Variants in SPMAP2L observed in about 807,000 individuals in gnomAD.
SPMAP2L encodes the protein sperm microtubule associated protein 2 like.
chr4:56,567,582 C>G, the SPMAP2L span, among the ~76,000 whole-genome samples: 54 of 151,624 alleles, frequency 3.6e-4, no homozygotes, highest in Non-Finnish European at 7.4e-4. Context: ...AGCCACCATG[C>G]CCAGCTTATA....
the SPMAP2L span, among the ~76,000 whole-genome samples, chr4:56,622,905 G>A: frequency 7.4e-4 from 112 of 152,256 alleles, no homozygotes; most frequent in East Asian, 0.019. Flanking sequence ...AAACAGTCTC[G>A]CACCTTTCTG....
At chr4:56,594,962 C>A in the SPMAP2L span, 4 of 1,609,544 alleles carry the variant, frequency 2.5e-6, no homozygotes, top group South Asian at 3.3e-5. Context: ...TGGCATGGGG[C>A]CCATTGGCGT....
the SPMAP2L span, among the ~76,000 whole-genome samples, chr4:56,607,555 G>A: frequency 1.3e-5 from 2 of 152,318 alleles, no homozygotes; most frequent in South Asian, 4.1e-4. Context: ...CAGTTCAGAG[G>A]AGCAGGCTAG....
chr4:56,537,860 T>A, the SPMAP2L span, among the ~76,000 whole-genome samples: 1 of 151,880 alleles, frequency 6.6e-6, no homozygotes, highest in Non-Finnish European at 1.5e-5. Flanking sequence ...GCCCGGCTAA[T>A]TTTTTTGTAT....
chr4:56,575,125 TG>T, the SPMAP2L span, among the ~76,000 whole-genome samples: 2 of 151,968 alleles, frequency 1.3e-5, no homozygotes, highest in Non-Finnish European at 2.9e-5. Context: ...GGTGGGCACC[TG>T]TAGTACCAGC....
chr4:56,532,233 C>G, the SPMAP2L span, among the ~76,000 whole-genome samples: 1 of 151,960 alleles, frequency 6.6e-6, no homozygotes, highest in Non-Finnish European at 1.5e-5. Flanking sequence ...CAGCTGAAGA[C>G]TTTGCCCCAT....
the SPMAP2L span, among the ~76,000 whole-genome samples, chr4:56,597,668 G>T: frequency 1.3e-5 from 2 of 152,130 alleles, no homozygotes; most frequent in South Asian, 4.1e-4. Context: ...AAGTAATGGA[G>T]ATCTTTCCTT....
At chr4:56,538,761 C>T in the SPMAP2L span, among the ~76,000 whole-genome samples, 5 of 152,152 alleles carry the variant, frequency 3.3e-5, no homozygotes, top group African/African-American at 1.2e-4. Context: ...CAATATCATG[C>T]CACTGCACTC....
At chr4:56,624,905 G>A in the SPMAP2L span, among the ~76,000 whole-genome samples, 18 of 152,218 alleles carry the variant, frequency 1.2e-4, no homozygotes, top group Non-Finnish European at 2.6e-4. Context: ...CTGCCTAGTG[G>A]AGCTGAGAGA....
At chr4:56,607,643 C>T in the SPMAP2L span, among the ~76,000 whole-genome samples, 1 of 152,034 alleles carries the variant, frequency 6.6e-6, no homozygotes, top group Admixed American at 6.6e-5. Flanking sequence ...GAGAAACCTT[C>T]AATCTTCTTA....
chr4:56,535,696 G>C, the SPMAP2L span, among the ~76,000 whole-genome samples: 50 of 152,240 alleles, frequency 3.3e-4, no homozygotes, highest in African/African-American at 1.2e-3. Flanking sequence ...CAGGTCCACT[G>C]CAGTAGCCTC....
the SPMAP2L span, among the ~76,000 whole-genome samples, chr4:56,537,743 T>G: frequency 6.6e-6 from 1 of 151,646 alleles, no homozygotes; most frequent in Non-Finnish European, 1.5e-5. Flanking sequence ...CAGGCTGGAG[T>G]GCAGTGGCGC....
the SPMAP2L span, among the ~76,000 whole-genome samples, chr4:56,604,497 A>G: frequency 6.6e-6 from 1 of 152,050 alleles, no homozygotes; most frequent in Admixed American, 6.6e-5. Context: ...GTCTCTACTA[A>G]AAATACAAAA....
At chr4:56,590,390 G>T in the SPMAP2L span, among the ~76,000 whole-genome samples, 1 of 152,168 alleles carries the variant, frequency 6.6e-6, no homozygotes, top group Non-Finnish European at 1.5e-5. Context: ...TGGCTAAAAG[G>T]TTCATTCAAT....
chr4:56,619,890 A>G, the SPMAP2L span, among the ~76,000 whole-genome samples: 2 of 151,032 alleles, frequency 1.3e-5, no homozygotes. Context: ...AACAAAAACA[A>G]AAACAGAAAA....
the SPMAP2L span, among the ~76,000 whole-genome samples, chr4:56,575,172 C>G: frequency 2.6e-5 from 4 of 151,754 alleles, no homozygotes; most frequent in South Asian, 8.3e-4. Flanking sequence ...TGGCGTGAAC[C>G]TGGGAGGCGG....
the SPMAP2L span, among the ~76,000 whole-genome samples, chr4:56,615,119 C>T: frequency 4.6e-5 from 7 of 152,226 alleles, no homozygotes; most frequent in African/African-American, 1.7e-4. Context: ...TCCTAAATTC[C>T]TCTCCCAATC....
chr4:56,592,749 C>G, the SPMAP2L span, among the ~76,000 whole-genome samples: 1 of 151,984 alleles, frequency 6.6e-6, no homozygotes. Flanking sequence ...CTGTGCTGGG[C>G]GCCGTGGGGC....
the SPMAP2L span, among the ~76,000 whole-genome samples, chr4:56,533,957 C>G: frequency 6.6e-6 from 1 of 152,000 alleles, no homozygotes; most frequent in South Asian, 2.1e-4. Context: ...GTCTCAAGAA[C>G]AAAAACAAAA....
Sources: gnomAD v4.1 joint callset for allele counts (sites outside exome capture counted in the v4.1 genomes callset) on GRCh38, gnomAD v4.1.1 for gene constraint, MANE v1.5 for transcripts, NCBI Gene and HGNC (gene_info 2026-07-23, HGNC 2026-07-21) for gene names.